UBE3B: variants seen among roughly 807,000 people sequenced by gnomAD.
UBE3B encodes the protein ubiquitin protein ligase E3B.
UBE3B carries 80 observed loss-of-function variants against 132.3 expected under a neutral mutation model. That is an observed-to-expected ratio of 0.60 (90% CI 0.50 to 0.73). UBE3B has a LOEUF of 0.73. Among genes scored for constraint, UBE3B ranks in the 30% least tolerant of loss-of-function variants. UBE3B has a pLI of 0.00. For missense variants in UBE3B, 1,196 were observed against 1,362.5 expected, an observed-to-expected ratio of 0.88 and a Z score of 1.92; for synonymous variants, 487 against 520.4, an observed-to-expected ratio of 0.94 and a Z score of 0.87.
At chr12:109,513,205 C>T (rs1880589346) in intron 18 of UBE3B, among the ~76,000 whole-genome samples, 1 of 152,074 alleles carries the variant, frequency 6.6e-6, no homozygotes, top group African/African-American at 2.4e-5. Context: ...CCTGGACCCG[C>T]GTGTCTGTGA....
chr12:109,524,421 C>T lies in UBE3B; in HGVS notation c.2503-17C>T, dbSNP rs1882075510. The T allele has an allele frequency of 3.7e-6, 6 of 1,614,050 alleles. No individual in the cohort carries two copies. Among genetic ancestry groups the T allele is most frequent in the Middle Eastern group, 1.6e-4 (1 of 6,084 alleles). On this transcript the variant is annotated splice_polypyrimidine_tract_variant and intron_variant, in intron 22 of 27. Coordinates refer to ENST00000342494, the MANE Select transcript of UBE3B (RefSeq NM_130466.4). ...TGCTCCATGGCCCTAACACTTTCCC[C>T]TTCTCTGTTACATTAGCGCTATGAT... is the stretch of plus-strand genomic sequence containing the variant.
downstream of UBE3B, among the ~76,000 whole-genome samples, chr12:109,539,670 T>C (rs919987469): frequency 4.6e-5 from 7 of 152,250 alleles, no homozygotes; most frequent in African/African-American, 1.7e-4. Flanking sequence ...GTCATTATTT[T>C]GTTCCAGGGA....
At position 109,521,404 on chromosome 12, in the gene UBE3B, C is replaced by T; in HGVS notation, c.2254-37C>T. 6.3e-7 allele frequency: 1 copy of T among 1,589,568 alleles called. No homozygotes were observed. The highest frequency in any genetic ancestry group is 1.3e-5 in the African/African-American group (1 of 74,614). ...AGCTGGGCTTGCTCCTTGCAAGGCA[C>T]TTGACCTCTGCCTCTCCCCGTCTTT... On this transcript the variant is annotated intron_variant, in intron 20 of 27. Coordinates refer to ENST00000342494, the MANE Select transcript of UBE3B (RefSeq NM_130466.4). The surrounding 1 kb of genome is among the most constrained non-coding windows in gnomAD (Gnocchi z 4.2).
chr12:109,507,957 G>T (rs1316149693), intron 15 of UBE3B, among the ~76,000 whole-genome samples: 1 of 152,208 alleles, frequency 6.6e-6, no homozygotes, highest in African/African-American at 2.4e-5. Flanking sequence ...TCCTTTCAAG[G>T]AAGCTGATCA....
intron 10 of UBE3B, 130 bp from the exon 11 acceptor site, chr12:109,498,103 G>A: frequency 7.0e-7 from 1 of 1,423,022 alleles, no homozygotes; most frequent in Non-Finnish European, 9.6e-7. Flanking sequence ...GTTCTTGTCT[G>A]TCCATTTTCT....
At position 109,490,507 on chromosome 12, in the gene UBE3B, T is replaced by C. The variant is rs760931393; in HGVS notation, c.630+503T>C. The C allele has an allele frequency of 1.2e-5, 18 of 1,536,008 alleles. No individual in the cohort carries two copies. The South Asian group carries it at 2.1e-4, about 18-fold the overall frequency. On this transcript the variant is annotated intron_variant, in intron 8 of 27. Coordinates refer to ENST00000342494, the MANE Select transcript of UBE3B (RefSeq NM_130466.4). ...CTCCCTAGTGCTGTGATGGGCTGTT[T>C]CCTGATTTGGTTTCATATGCTCCTC...
chr12:109,494,869 T>C (rs909652499), intron 9 of UBE3B, among the ~76,000 whole-genome samples: 2 of 152,206 alleles, frequency 1.3e-5, no homozygotes, highest in African/African-American at 4.8e-5. Flanking sequence ...CTTAGGGATA[T>C]GGCCCAGGAT....
chr12:109,541,406 A>T (rs1883608350), downstream of UBE3B, among the ~76,000 whole-genome samples: 1 of 152,126 alleles, frequency 6.6e-6, no homozygotes, highest in Non-Finnish European at 1.5e-5. Context: ...CTTCTCGGAG[A>T]TTCATTTTCC....
chr12:109,499,462 G>A (rs146831943), intron 11 of UBE3B, among the ~76,000 whole-genome samples, 171 bp from the exon 12 acceptor site: 2 of 152,274 alleles, frequency 1.3e-5, no homozygotes, highest in African/African-American at 2.4e-5. Context: ...AGCTTGGCCC[G>A]TTTCTTACCT....
intron 24 of UBE3B, among the ~76,000 whole-genome samples, chr12:109,529,353 C>A (rs1270657863): frequency 6.6e-6 from 1 of 152,168 alleles, no homozygotes; most frequent in African/African-American, 2.4e-5. Context: ...GAGTCCACTC[C>A]TAGCCCAGCT....
intron 9 of UBE3B, among the ~76,000 whole-genome samples, chr12:109,493,719 G>A (rs1429368930): frequency 6.6e-6 from 1 of 152,232 alleles, no homozygotes; most frequent in Non-Finnish European, 1.5e-5. Context: ...GTGCCAAGAT[G>A]TGATCACTAA....
In UBE3B at chr12:109,534,165, C is replaced by A; in HGVS notation, c.3016-426C>A. The A allele has an allele frequency of 1.6e-6, 2 of 1,261,926 alleles. No individual in the cohort carries two copies. Among genetic ancestry groups the A allele is most frequent in the South Asian group, 2.7e-5 (2 of 73,800 alleles). The allele number at this position is 1,261,926 out of a possible 1,614,324, so 78.2% of individuals were successfully genotyped here. ...ATGCCACCTTGTACAGGAAGCTACA[C>A]AGTCCTCGGCCTCCATGCTTAAGGG... On this transcript the variant is annotated intron_variant, in intron 27 of 27. Transcript: ENST00000342494. The surrounding 1 kb of genome is among the most constrained non-coding windows in gnomAD (Gnocchi z 5.2).
intron 25 of UBE3B, 67 bp downstream of exon 25, chr12:109,530,139 G>C (rs921725075): frequency 7.6e-5 from 120 of 1,587,802 alleles, no homozygotes; most frequent in Middle Eastern, 1.9e-4. Context: ...CTCCCTCGCT[G>C]GGTTCCTTTT....
chr12:109,500,239 A>G (rs750821474), intron 12 of UBE3B, among the ~76,000 whole-genome samples: 1 of 152,228 alleles, frequency 6.6e-6, no homozygotes, highest in Non-Finnish European at 1.5e-5. Context: ...GGTGGAATAT[A>G]AATTTTTAAA....
At chr12:109,512,992 T>A (rs1408115939) in intron 18 of UBE3B, among the ~76,000 whole-genome samples, 1 of 152,262 alleles carries the variant, frequency 6.6e-6, no homozygotes, top group Non-Finnish European at 1.5e-5. Flanking sequence ...ACTTCTACCC[T>A]TTGGTCCTTG....
chr12:109,486,179 T>C (rs1391764049), intron 5 of UBE3B, 108 bp downstream of exon 5: 3 of 1,170,956 alleles, frequency 2.6e-6, no homozygotes, highest in East Asian at 5.1e-5. Flanking sequence ...CAAATGCAAA[T>C]AAGTAGTGGA....
At position 109,534,742 on chromosome 12, in the gene UBE3B, G is replaced by T. The variant is rs1337946234; in HGVS notation, c.3167G>T (p.Arg1056Leu). The change falls in exon 28 of 28, where the codon CGC (arginine) becomes CTC (leucine). Residue 1056 changes from arginine (R) to leucine (L), a missense_variant. Physicochemically the swap from Arg to Leu is moderately radical, Grantham distance 102. Transcript: ENST00000342494. The surrounding 1 kb of genome is among the most constrained non-coding windows in gnomAD (Gnocchi z 5.2). Reference protein sequence around the residue: ...SKKSVLREKLRYAISMNTGFE... With the variant: ...SKKSVLREKLLYAISMNTGFE... ...AAGAGCGTCCTCCGCGAGAAGCTGCGCTACGCCATCAGCATGAACACGGGC... is the reference window on the plus strand; with the variant it reads ...AAGAGCGTCCTCCGCGAGAAGCTGCTCTACGCCATCAGCATGAACACGGGC... 1 of 1,589,110 alleles carries T rather than the reference G, an allele frequency of 6.3e-7. No homozygotes were observed. Among genetic ancestry groups the T allele is most frequent in the South Asian group, 1.1e-5 (1 of 86,982 alleles).
At chr12:109,519,160 T>G (rs2136046529) in intron 19 of UBE3B, among the ~76,000 whole-genome samples, 1 of 152,304 alleles carries the variant, frequency 6.6e-6, no homozygotes, top group South Asian at 2.1e-4. Flanking sequence ...CCCCTGTCTC[T>G]GTCAAAGGCA....
At chr12:109,515,202 C>T (rs1021943189) in intron 18 of UBE3B, among the ~76,000 whole-genome samples, 12 of 151,528 alleles carry the variant, frequency 7.9e-5, no homozygotes, top group South Asian at 2.1e-4. Flanking sequence ...CGTGAGCCAC[C>T]GCGACTGGCC....
Sources: gnomAD v4.1 joint callset for allele counts (sites outside exome capture counted in the v4.1 genomes callset) on GRCh38, gnomAD v4.1.1 for gene constraint, Gnocchi (gnomAD v3.1) non-coding constraint, MANE v1.5 for transcripts, NCBI Gene and HGNC (gene_info 2026-07-23, HGNC 2026-07-21) for gene names.